The following MPP3 variants were observed in gnomAD, a reference collection of about 807,000 sequenced individuals.
The protein encoded by MPP3 is MAGUK p55 subfamily member 3.
MPP3 carries 48 observed loss-of-function variants against 80.7 expected under a neutral mutation model. The observed-to-expected ratio is 0.59, with a 90% CI of 0.47 to 0.76. The LOEUF (loss-of-function observed/expected upper bound fraction) is 0.76. Among genes scored for constraint, MPP3 ranks in the 30% least tolerant of loss-of-function variants. The pLI, the probability that MPP3 is intolerant of heterozygous loss-of-function variation, is 0.00. For missense variants in MPP3, 620 were observed against 763.0 expected (o/e 0.81, Z 2.21); for synonymous variants, 311 against 297.6 (o/e 1.04, Z -0.46).
At chr17:43,829,474 T>C (rs1484892951) in intron 7 of MPP3, among the ~76,000 whole-genome samples, 180 bp downstream of exon 7, 1 of 152,120 alleles carries the variant, frequency 6.6e-6, no homozygotes, top group Non-Finnish European at 1.5e-5. Context: ...TGAGAGGGGC[T>C]GTATCCACCT....
At chr17:43,831,740 G>T in intron 3 of MPP3, 63 bp from the exon 4 acceptor site, 1 of 1,462,288 alleles carries the variant, frequency 6.8e-7, no homozygotes, top group Non-Finnish European at 9.4e-7. Flanking sequence ...CCCCCGAGGA[G>T]CCCGAGTGGG....
At chr17:43,817,823 A>G in intron 12 of MPP3, 2 of 379,258 alleles carry the variant, frequency 5.3e-6, no homozygotes, top group Non-Finnish European at 9.7e-6. Flanking sequence ...CTGTTAACAT[A>G]CCCCCCAGCA....
intron 16 of MPP3, among the ~76,000 whole-genome samples, chr17:43,811,971 G>A (rs1419971681): frequency 6.6e-6 from 1 of 152,112 alleles, no homozygotes; most frequent in Non-Finnish European, 1.5e-5. Flanking sequence ...TATTTTTTGA[G>A]AGCAAAGGAG....
Position 43,825,752 on chromosome 17 carries a change from G to A in MPP3, c.609+4C>T, listed in dbSNP as rs554038797. 84 of 1,600,658 alleles carry A rather than the reference G, an allele frequency of 5.2e-5. No individual in the cohort carries two copies. The highest frequency in any genetic ancestry group is 3.3e-4 in the Middle Eastern group (2 of 6,042). On this transcript the variant is annotated splice_donor_region_variant and intron_variant, in intron 9 of 19. Coordinates refer to ENST00000398389, the MANE Select transcript of MPP3 (RefSeq NM_001932.6). Reference sequence around the variant, plus strand: ...CACATCCCTAGCAGGCTTGTAGCACGGACCAGAATCTGGCTGATCTCGTCG... The same window carrying A: ...CACATCCCTAGCAGGCTTGTAGCACAGACCAGAATCTGGCTGATCTCGTCG...
chr17:43,830,119 G>A lies in MPP3; in HGVS notation c.223-12C>T. ...AACTCCTCCATCACCTGCAGAGAAT[G>A]AGACAGGCGCCACTGATGGCTAGAG... is the stretch of plus-strand genomic sequence containing the variant. On this transcript the variant is annotated splice_polypyrimidine_tract_variant and intron_variant, in intron 5 of 19. Coordinates refer to ENST00000398389, the MANE Select transcript of MPP3 (RefSeq NM_001932.6). 2.0e-6 allele frequency: 3 copies of A among 1,519,968 alleles called. No homozygotes were observed. The highest frequency in any genetic ancestry group is 2.3e-5 in the East Asian group (1 of 43,446). The allele number at this position is 1,519,968 out of a possible 1,614,324, so 94.2% of individuals were successfully genotyped here. A position where few individuals can be genotyped will look rare whatever the true frequency, so the allele number is the denominator to read the frequency against.
chr17:43,821,041 G>A lies in MPP3; in HGVS notation c.702C>T (p.Leu234=). 1.2e-6 allele frequency: 2 copies of A among 1,613,928 alleles called. No individual in the cohort carries two copies. Among genetic ancestry groups the A allele is most frequent in the East Asian group, 2.2e-5 (1 of 44,878 alleles). The change falls in exon 11 of 20, where the codon CTC becomes CTT. Residue 234 remains leucine (L), a synonymous_variant. Transcript: ENST00000398389. The part of the protein sequence containing the change: ...LKESKVFMRA[L]FHYNPREDRA... ...GGTCCTCCCGAGGGTTGTAGTGGAA[G>A]AGGGCGCGCATGAACACCTGCACAA...
intron 11 of MPP3, 142 bp from the exon 12 acceptor site, chr17:43,818,252 G>C (rs1283689467): frequency 1.7e-6 from 1 of 592,832 alleles, no homozygotes; most frequent in Non-Finnish European, 2.7e-6. Flanking sequence ...CTCCTGCTTA[G>C]CACTAAGTTC....
At chr17:43,828,410 T>C (rs2045813314) in intron 7 of MPP3, among the ~76,000 whole-genome samples, 1 of 152,194 alleles carries the variant, frequency 6.6e-6, no homozygotes, top group African/African-American at 2.4e-5. Flanking sequence ...CAGGCCGGAC[T>C]GCAGCAGGAC....
chr17:43,818,355 G>A (rs1206965784), intron 11 of MPP3, among the ~76,000 whole-genome samples: 1 of 152,146 alleles, frequency 6.6e-6, no homozygotes, highest in Non-Finnish European at 1.5e-5. Context: ...AGCTCAAGAT[G>A]GCCACACAGG....
At chr17:43,804,210 C>G (rs1448823634) in intron 19 of MPP3, among the ~76,000 whole-genome samples, 1 of 152,096 alleles carries the variant, frequency 6.6e-6, no homozygotes, top group Non-Finnish European at 1.5e-5. Flanking sequence ...AACAAATGGG[C>G]AGATTGATCC....
chr17:43,804,927 A>C lies in MPP3; in HGVS notation c.1582-3050T>G, dbSNP rs191180005. On this transcript the variant is annotated intron_variant, in intron 19 of 19. Coordinates refer to ENST00000398389, the MANE Select transcript of MPP3 (RefSeq NM_001932.6). Reference sequence around the variant, plus strand: ...CCAGCTACTTGGAGGTTGAGGCAGGAGAATCACTCGAACCTGGGAGCTGGA... The same window carrying C: ...CCAGCTACTTGGAGGTTGAGGCAGGCGAATCACTCGAACCTGGGAGCTGGA... Among the ~76,000 whole-genome samples the C allele has an allele frequency of 1.7e-3, 264 of 152,330 alleles. 1 individual carries two copies. The highest frequency in any genetic ancestry group is 5.7e-3 in the African/African-American group (239 of 41,568).
In MPP3 at chr17:43,801,446, C is replaced by T. The variant is rs974557863; in HGVS notation, c.*255G>A. On this transcript the variant is annotated 3_prime_UTR_variant, in exon 20 of 20. Transcript: ENST00000398389. ...GGTACAAAGAATCAGGGTCAGCTTG[C>T]CTGTGATACTTTAATAAATGAAATG... The T allele has an allele frequency of 4.3e-5, 19 of 440,842 alleles. No individual in the cohort carries two copies. The highest frequency in any genetic ancestry group is 2.5e-4 in the South Asian group (9 of 36,172). The allele number at this position is 440,842 out of a possible 1,614,324, so 27.3% of individuals were successfully genotyped here. A position where few individuals can be genotyped will look rare whatever the true frequency, so the allele number is the denominator to read the frequency against.
intron 6 of MPP3, 25 bp downstream of exon 6, chr17:43,830,002 C>G (rs1168566431): frequency 6.2e-7 from 1 of 1,606,666 alleles, no homozygotes; most frequent in East Asian, 2.2e-5. Context: ...AGAGGCATGG[C>G]TGGGCAGGGG....
At chr17:43,826,991 C>T (rs2045731749) in intron 8 of MPP3, among the ~76,000 whole-genome samples, 1 of 150,480 alleles carries the variant, frequency 6.6e-6, no homozygotes, top group Non-Finnish European at 1.5e-5. Context: ...GTGGGCCACC[C>T]GTGCATGGCC....
intron 2 of MPP3, 89 bp from the exon 3 acceptor site, chr17:43,832,032 AC>A: frequency 1.2e-6 from 1 of 837,428 alleles, no homozygotes; most frequent in Non-Finnish European, 2.0e-6. Context: ...GTTCTCTGAG[AC>A]CAGGCTGTGG....
intron 18 of MPP3, 29 bp from the exon 19 acceptor site, chr17:43,809,107 T>C: frequency 6.4e-7 from 1 of 1,569,220 alleles, no homozygotes; most frequent in Non-Finnish European, 8.6e-7. Context: ...GAATATTATA[T>C]ACTTTTGAAG....
intron 3 of MPP3, 67 bp from the exon 4 acceptor site, chr17:43,831,744 G>T (rs938096365): frequency 1.4e-6 from 2 of 1,443,950 alleles, no homozygotes; most frequent in African/African-American, 2.8e-5. Context: ...CGAGGAGCCC[G>T]AGTGGGGCCT....
At chr17:43,832,362 C>A (rs989468762) in intron 2 of MPP3, 3 of 215,910 alleles carry the variant, frequency 1.4e-5, no homozygotes, top group African/African-American at 4.8e-5. Flanking sequence ...CCCTCCACTG[C>A]AACCTTCTAA....
At position 43,809,834 on chromosome 17, in the gene MPP3, G is replaced by A. The variant is rs532746478; in HGVS notation, c.1459-756C>T. ...GCGGAGCTTGCGGTGAACCAAGATC[G>A]CACCACTGCACTCCAGCCTGGGTGA... is the stretch of plus-strand genomic sequence containing the variant. On this transcript the variant is annotated intron_variant, in intron 18 of 19. Coordinates refer to ENST00000398389, the MANE Select transcript of MPP3 (RefSeq NM_001932.6). Among the ~76,000 whole-genome samples the A allele has an allele frequency of 6.7e-4, 102 of 152,106 alleles. 2 individuals carry two copies. In the South Asian group the frequency reaches 0.02, roughly 30 times the overall value.
Sources: allele counts gnomAD v4.1 joint callset (sites outside exome capture counted in the v4.1 genomes callset), GRCh38; gene constraint gnomAD v4.1.1; transcripts MANE v1.5; gene names NCBI Gene and HGNC (gene_info 2026-07-23, HGNC 2026-07-21).